BCAP29: variants seen among roughly 807,000 people sequenced by gnomAD.
BCAP29 encodes the protein B cell receptor associated protein 29.
BCAP29 carries 34 observed loss-of-function variants against 31.8 expected under a neutral mutation model. The ratio of observed to expected loss-of-function variants is 1.07; its 90% confidence interval spans 0.81 to 1.42. The LOEUF (loss-of-function observed/expected upper bound fraction) is 1.42, where lower values mean the gene tolerates loss of function less well. Ranked by LOEUF, BCAP29 falls within the 40% of genes most tolerant of loss-of-function variation. BCAP29 has a pLI of 0.00. For synonymous variants in BCAP29, 104 were observed against 91.3 expected (o/e 1.14, Z -0.79); for missense variants, 314 against 269.2 (o/e 1.17, Z -1.16).
intron 2 of BCAP29, among the ~76,000 whole-genome samples, 155 bp downstream of exon 2, chr7:107,581,019 T>G (rs1040324298): frequency 1.3e-5 from 2 of 152,196 alleles, no homozygotes; most frequent in African/African-American, 2.4e-5. Context: ...AAAATAACAT[T>G]TTATATAAAA....
intron 7 of BCAP29, among the ~76,000 whole-genome samples, chr7:107,617,993 T>G (rs1172829154): frequency 6.6e-6 from 1 of 152,164 alleles, no homozygotes. Flanking sequence ...TAGCTGAGGT[T>G]TTTGTCCCTT....
At chr7:107,603,991 G>A (rs1036751164) in intron 6 of BCAP29, among the ~76,000 whole-genome samples, 3 of 152,042 alleles carry the variant, frequency 2.0e-5, no homozygotes, top group African/African-American at 4.8e-5. Flanking sequence ...TCCTTAAAAA[G>A]TGTGCCTCTT....
At chr7:107,620,707 A>T (rs1814881453), downstream of BCAP29, 1 of 152,156 alleles carries the variant, frequency 6.6e-6, no homozygotes, top group Non-Finnish European at 1.5e-5. Context: ...ATTTGGGATG[A>T]GTTATCCTTG....
At position 107,600,444 on chromosome 7, in the gene BCAP29, A is replaced by C. The variant is rs370040223; in HGVS notation, c.528A>C (p.Glu176Asp). 3 of 1,611,610 alleles carry C rather than the reference A, an allele frequency of 1.9e-6. No individual in the cohort carries two copies. The highest frequency in any genetic ancestry group is 2.5e-6 in the Non-Finnish European group (3 of 1,178,490). The change falls in exon 6 of 8, where the codon GAA (glutamate) becomes GAC (aspartate). Residue 176 changes from glutamate (E) to aspartate (D), a missense_variant. Coordinates refer to ENST00000005259, the MANE Select transcript of BCAP29 (RefSeq NM_018844.4). Reference protein sequence around the residue: ...GKDEECVLEAENKKLVEDQEK... With the variant: ...GKDEECVLEADNKKLVEDQEK... ...ATGAAGAATGTGTTTTGGAAGCAGAAAATAAAAAACTAGTAGAAGACCAGG... is the reference window on the plus strand; with the variant it reads ...ATGAAGAATGTGTTTTGGAAGCAGACAATAAAAAACTAGTAGAAGACCAGG...
At chr7:107,602,964 C>CT (rs34887499) in intron 6 of BCAP29, among the ~76,000 whole-genome samples, 1,026 of 67,980 alleles carry the variant, frequency 0.015, 9 homozygotes, top group Middle Eastern at 0.043. Context: ...TTCTTTTATT[C>CT]TTTTTTTTTT....
chr7:107,583,980 TA>T lies in BCAP29; in HGVS notation c.192del (p.Asp65MetfsTer3). 6.6e-7 allele frequency: 1 copy of T among 1,524,532 alleles called. No homozygotes were observed. Among genetic ancestry groups the T allele is most frequent in the Non-Finnish European group, 8.9e-7 (1 of 1,118,490 alleles). 94.4% of individuals were successfully genotyped at this position (1,524,532 alleles called of 1,614,324 possible). On this transcript the variant is annotated frameshift_variant and splice_region_variant, in exon 3 of 8. Transcript: ENST00000005259. LOFTEE classifies it high-confidence loss of function. ...ATCATCCTATTGATTGTTCTATTTC[TA>T]GGTAAGTACTAGATCCCTTCTTTGA... Reference protein sequence around the residue: ...TIIILLIVLFLDAVREVRKYS... With the variant: ...TIIILLIVLFXDAVREVRKYS...
intron 3 of BCAP29, among the ~76,000 whole-genome samples, chr7:107,591,546 G>A (rs1319541827): frequency 2.0e-5 from 3 of 148,744 alleles, no homozygotes; most frequent in East Asian, 2.0e-4. Context: ...AAGCCTCTAC[G>A]AGCATATGAG....
intron 2 of BCAP29, among the ~76,000 whole-genome samples, chr7:107,581,478 C>T (rs1806654065): frequency 6.6e-6 from 1 of 152,148 alleles, no homozygotes; most frequent in Non-Finnish European, 1.5e-5. Context: ...TCTTGAAGAA[C>T]CAAGTACAGT....
At chr7:107,613,140 G>C (rs1813531678) in intron 6 of BCAP29, among the ~76,000 whole-genome samples, 192 bp from the exon 7 acceptor site, 1 of 152,184 alleles carries the variant, frequency 6.6e-6, no homozygotes, top group African/African-American at 2.4e-5. Context: ...CACGATGCCT[G>C]CACCTTATTC....
intron 5 of BCAP29, among the ~76,000 whole-genome samples, chr7:107,598,280 A>G (rs1810211561): frequency 6.6e-6 from 1 of 151,978 alleles, no homozygotes; most frequent in South Asian, 2.1e-4. Flanking sequence ...TAGGCAACAC[A>G]TTAAAAGAGA....
intron 6 of BCAP29, among the ~76,000 whole-genome samples, chr7:107,607,635 C>CTTTTTTTTTTT (rs57817003): frequency 7.5e-6 from 1 of 132,640 alleles, no homozygotes; most frequent in Non-Finnish European, 1.6e-5. Flanking sequence ...CTTTCTTTTT[C>CTTTTTTTTTTT]TTTTTTTTTT....
chr7:107,609,081 G>A lies in BCAP29; in HGVS notation c.590-4251G>A, dbSNP rs552503951. On this transcript the variant is annotated intron_variant, in intron 6 of 7. Coordinates refer to ENST00000005259, the MANE Select transcript of BCAP29 (RefSeq NM_018844.4). ...GTAGTAGAAGCCAACACTGGAGATCGACACTTTCTTGACATTTTAAAGGAT... is the reference window on the plus strand; with the variant it reads ...GTAGTAGAAGCCAACACTGGAGATCAACACTTTCTTGACATTTTAAAGGAT... 7.2e-5 allele frequency among the ~76,000 whole-genome samples: 11 copies of A among 152,016 alleles called. No homozygotes were observed. In the South Asian group the frequency reaches 8.3e-4, roughly 12 times the overall value.
chr7:107,599,157 TTATAAATA>T lies in BCAP29; in HGVS notation c.481-1228_481-1221del, dbSNP rs1485098156. 4.0e-5 allele frequency among the ~76,000 whole-genome samples: 5 copies of T among 124,172 alleles called. No homozygotes were observed. In the South Asian group the frequency reaches 9.5e-4, roughly 24 times the overall value. The allele number at this position is 124,172 out of a possible 152,430, so 81.5% of individuals were successfully genotyped here. ...AATTTATATGTATATAAATATATAT[TTATAAATA>T]TATAAATATATTAAAATTTATATGT... On this transcript the variant is annotated intron_variant, in intron 5 of 7. Transcript: ENST00000005259.
rs748557735 is a variant in BCAP29, at chr7:107,601,785, A to G, written c.589+1280A>G. ...GAATGAAACCATCTATTTCCAAAAC[A>G]CAAAAATATTCTTTCAAAATCCTGC... On this transcript the variant is annotated intron_variant, in intron 6 of 7. Coordinates refer to ENST00000005259, the MANE Select transcript of BCAP29 (RefSeq NM_018844.4). 5.5e-4 allele frequency among the ~76,000 whole-genome samples: 84 copies of G among 152,210 alleles called. 2 individuals carry two copies. The highest frequency in any genetic ancestry group is 1.2e-4 in the Non-Finnish European group (8 of 68,030).
intron 1 of BCAP29, 84 bp downstream of exon 1, chr7:107,580,385 A>C: frequency 5.4e-6 from 1 of 186,900 alleles, no homozygotes; most frequent in Non-Finnish European, 1.1e-5. Flanking sequence ...AACCCCGCGG[A>C]GCTGGCCTGG....
At chr7:107,590,694 T>G (rs1297756943) in intron 3 of BCAP29, among the ~76,000 whole-genome samples, 1 of 151,720 alleles carries the variant, frequency 6.6e-6, no homozygotes, top group Non-Finnish European at 1.5e-5. Context: ...TGGCTCATGC[T>G]TGTAGTCCCA....
At chr7:107,580,034 C>T (rs899847257), upstream of BCAP29, 3 of 152,464 alleles carry the variant, frequency 2.0e-5, no homozygotes, top group East Asian at 5.8e-4. Context: ...AAAGTCTGTC[C>T]TCCTGAAGAA....
chr7:107,593,887 G>C, intron 3 of BCAP29, 68 bp from the exon 4 acceptor site: 11 of 1,475,438 alleles, frequency 7.5e-6, no homozygotes, highest in African/African-American at 1.4e-5. Context: ...TTCTAAAACT[G>C]CTTTCCATTT....
chr7:107,580,691 C>A, intron 1 of BCAP29, 68 bp from the exon 2 acceptor site: 1 of 1,080,004 alleles, frequency 9.3e-7, no homozygotes, highest in Non-Finnish European at 1.4e-6. Context: ...AAAAACGCTG[C>A]GCCTCGGGGC....
Sources: gnomAD v4.1 joint callset for allele counts (sites outside exome capture counted in the v4.1 genomes callset) on GRCh38, gnomAD v4.1.1 for gene constraint, MANE v1.5 for transcripts, NCBI Gene and HGNC (gene_info 2026-07-23, HGNC 2026-07-21) for gene names.